HLCS: variants seen among roughly 807,000 people sequenced by gnomAD.
The protein encoded by HLCS is holocarboxylase synthetase, also known as biotin--protein ligase.
Under a neutral mutation model 75.0 loss-of-function variants are expected in HLCS, and 53 were observed. That is an observed-to-expected ratio of 0.71 (90% CI 0.57 to 0.89). HLCS has a LOEUF of 0.89. Ranked by LOEUF, HLCS falls within the 40% of genes least tolerant of loss-of-function variation. The pLI, the probability that HLCS is intolerant of heterozygous loss-of-function variation, is 0.00. For synonymous variants in HLCS, 431 were observed against 428.6 expected, an observed-to-expected ratio of 1.01 and a Z score of -0.07; for missense variants, 966 against 1,074.0, an observed-to-expected ratio of 0.90 and a Z score of 1.41.
At chr21:36,971,145 T>C (rs2146710033), upstream of HLCS, among the ~76,000 whole-genome samples, 1 of 152,292 alleles carries the variant, frequency 6.6e-6, no homozygotes, top group East Asian at 1.9e-4. Flanking sequence ...GTAGACAATA[T>C]TTAGAGCATC....
chr21:36,790,423 C>A (rs1002065810), intron 6 of HLCS, among the ~76,000 whole-genome samples: 3 of 151,730 alleles, frequency 2.0e-5, no homozygotes, highest in East Asian at 1.9e-4. Context: ...AACAAACAAA[C>A]AAAAAAACAT....
chr21:36,758,959 G>A (rs1046152235), intron 9 of HLCS, among the ~76,000 whole-genome samples: 8 of 151,826 alleles, frequency 5.3e-5, no homozygotes, highest in Non-Finnish European at 1.0e-4. Flanking sequence ...ATTCCAGCCC[G>A]GGCAACAGTG....
chr21:36,911,476 GGC>G (rs769336617), intron 5 of HLCS, among the ~76,000 whole-genome samples: 3 of 152,172 alleles, frequency 2.0e-5, no homozygotes, highest in Non-Finnish European at 4.4e-5. Flanking sequence ...CAGGCACAGT[GGC>G]TCATGCCCGT....
At chr21:36,897,401 A>T (rs867163773) in intron 5 of HLCS, among the ~76,000 whole-genome samples, 1 of 152,176 alleles carries the variant, frequency 6.6e-6, no homozygotes, top group Non-Finnish European at 1.5e-5. Context: ...TACATCTTAC[A>T]TTCTCTCATG....
chr21:36,896,922 C>T lies in HLCS; in HGVS notation c.1830G>A (p.Lys610=), dbSNP rs2065033977. The T allele has an allele frequency of 6.2e-7, 1 of 1,614,158 alleles. No individual in the cohort carries two copies. Among genetic ancestry groups the T allele is most frequent in the Non-Finnish European group, 8.5e-7 (1 of 1,180,034 alleles). The part of the protein sequence containing the change: ...LEIYRQNLQT[K]QLGKVILFAE... ...CAAACAAAATTACTTTCCCCAACTGCTTGGTCTGCAGATTTTGGCGATAGA... is the reference window on the plus strand; with the variant it reads ...CAAACAAAATTACTTTCCCCAACTGTTTGGTCTGCAGATTTTGGCGATAGA... Residue 610 remains lysine (K), a synonymous_variant, in exon 6 of 11, where the codon AAG becomes AAA. Transcript: ENST00000674895.
intron 5 of HLCS, among the ~76,000 whole-genome samples, chr21:36,905,768 T>C (rs1182919161): frequency 6.6e-6 from 1 of 152,114 alleles, no homozygotes; most frequent in East Asian, 1.9e-4. Context: ...TATACAAAAA[T>C]TGGCTGGGCA....
intron 6 of HLCS, among the ~76,000 whole-genome samples, chr21:36,895,029 C>A (rs571110879): frequency 3.4e-5 from 5 of 148,652 alleles, no homozygotes; most frequent in East Asian, 3.9e-4. Flanking sequence ...GCGTGTGCTG[C>A]CCTCTTGGTG....
At chr21:36,859,836 A>G (rs947778473) in intron 6 of HLCS, among the ~76,000 whole-genome samples, 1 of 152,232 alleles carries the variant, frequency 6.6e-6, no homozygotes, top group Non-Finnish European at 1.5e-5. Flanking sequence ...TTCAGCAGCA[A>G]TGCTGCTCAG....
intron 4 of HLCS, among the ~76,000 whole-genome samples, chr21:36,932,892 A>G (rs1168348638): frequency 1.3e-5 from 2 of 152,114 alleles, no homozygotes; most frequent in African/African-American, 2.4e-5. Context: ...CCGAGGCGGG[A>G]GGATCATTTG....
chr21:36,966,328 T>G, intron 1 of HLCS, 116 bp downstream of exon 1: 1 of 382,794 alleles, frequency 2.6e-6, no homozygotes, highest in Non-Finnish European at 3.6e-6. Context: ...CAGGCCGCAC[T>G]GAGGGCGCCA....
chr21:36,954,836 G>A (rs2067854286), intron 2 of HLCS, among the ~76,000 whole-genome samples: 1 of 152,164 alleles, frequency 6.6e-6, no homozygotes, highest in Admixed American at 6.5e-5. Context: ...GCCGAGGCGG[G>A]GGGATCACTT....
intron 5 of HLCS, among the ~76,000 whole-genome samples, chr21:36,913,369 T>C (rs2065801162): frequency 6.6e-6 from 1 of 151,588 alleles, no homozygotes; most frequent in Non-Finnish European, 1.5e-5. Flanking sequence ...TATGCAACTA[T>C]GAATAAACAT....
chr21:36,853,935 A>G (rs2063099338), intron 6 of HLCS, among the ~76,000 whole-genome samples: 1 of 152,218 alleles, frequency 6.6e-6, no homozygotes, highest in African/African-American at 2.4e-5. Context: ...TCCTGGAGTG[A>G]TTAATAAAAG....
At chr21:36,828,635 T>G (rs946876610) in intron 6 of HLCS, among the ~76,000 whole-genome samples, 10 of 152,130 alleles carry the variant, frequency 6.6e-5, no homozygotes, top group Non-Finnish European at 1.5e-4. Context: ...TCACCAGAGT[T>G]AATTTTTTAA....
intron 6 of HLCS, among the ~76,000 whole-genome samples, chr21:36,881,453 G>A (rs1601610784): frequency 1.3e-5 from 2 of 152,322 alleles, no homozygotes; most frequent in South Asian, 2.1e-4. Context: ...TACTGTTAGC[G>A]TGGGAAGCTG....
At chr21:36,838,313 C>T (rs140597735) in intron 6 of HLCS, among the ~76,000 whole-genome samples, 1 of 151,920 alleles carries the variant, frequency 6.6e-6, no homozygotes, top group East Asian at 1.9e-4. Context: ...CACACACACA[C>T]ACACACACAC....
chr21:36,900,829 C>T (rs2065208114), intron 5 of HLCS, among the ~76,000 whole-genome samples: 2 of 152,104 alleles, frequency 1.3e-5, no homozygotes, highest in South Asian at 4.1e-4. Context: ...AACAGGGGCT[C>T]AAAAAAGAGC....
At chr21:36,978,552 G>A (rs2069008138) in intron 1 of HLCS, among the ~76,000 whole-genome samples, 1 of 152,092 alleles carries the variant, frequency 6.6e-6, no homozygotes, top group African/African-American at 2.4e-5. Context: ...GAAGGAGGCT[G>A]GAAGCGTCCT....
intron 9 of HLCS, among the ~76,000 whole-genome samples, chr21:36,757,865 A>C (rs2089665420): frequency 6.6e-6 from 1 of 152,224 alleles, no homozygotes; most frequent in Non-Finnish European, 1.5e-5. Context: ...TAAGGCATTA[A>C]ATCAAGTGCT....
Sources: gnomAD v4.1 joint callset for allele counts (sites outside exome capture counted in the v4.1 genomes callset) on GRCh38, gnomAD v4.1.1 for gene constraint, MANE v1.5 for transcripts, NCBI Gene and HGNC (gene_info 2026-07-23, HGNC 2026-07-21) for gene names.